The following MAML3 variants were observed in gnomAD, a reference collection of about 807,000 sequenced individuals.
MAML3 encodes the protein mastermind like transcriptional coactivator 3.
MAML3 carries 27 observed loss-of-function variants against 101.9 expected under a neutral mutation model. The observed-to-expected ratio is 0.27, with a 90% CI of 0.20 to 0.37. The LOEUF is 0.37. Ranked by LOEUF, MAML3 falls within the 10% of genes least tolerant of loss-of-function variation. The probability of loss-of-function intolerance (pLI) is 1.00; values close to 1 mark genes in which losing one functional copy is unlikely to be tolerated. For synonymous variants in MAML3, 501 were observed against 555.9 expected, an observed-to-expected ratio of 0.90 and a Z score of 1.39; for missense variants, 1,316 against 1,444.9, an observed-to-expected ratio of 0.91 and a Z score of 1.45.
chr4:140,137,150 G>A (rs902891136), intron 1 of MAML3, among the ~76,000 whole-genome samples: 2 of 152,064 alleles, frequency 1.3e-5, no homozygotes, highest in Non-Finnish European at 2.9e-5. Flanking sequence ...CACCGCGCCC[G>A]GCTAATTTTT....
intron 1 of MAML3, among the ~76,000 whole-genome samples, chr4:140,052,106 TGTGG>T (rs1578660035): frequency 6.6e-6 from 1 of 152,308 alleles, no homozygotes; most frequent in East Asian, 1.9e-4. Flanking sequence ...AAAATGAGAA[TGTGG>T]GAGGCTTAAG....
chr4:139,885,670 T>C (rs1381495167), intron 2 of MAML3, among the ~76,000 whole-genome samples: 1 of 150,006 alleles, frequency 6.7e-6, no homozygotes, highest in African/African-American at 2.5e-5. Flanking sequence ...ACACCTGTAA[T>C]CCCAGTAATT....
At chr4:140,146,700 T>C (rs1729070480) in intron 1 of MAML3, among the ~76,000 whole-genome samples, 1 of 152,174 alleles carries the variant, frequency 6.6e-6, no homozygotes, top group South Asian at 2.1e-4. Context: ...AATTAACTTA[T>C]TTGGCAGATA....
At chr4:139,740,757 A>G (rs772259528) in intron 2 of MAML3, 8 of 152,274 alleles carry the variant, frequency 5.3e-5, no homozygotes, top group Non-Finnish European at 7.3e-5. Context: ...AGACAGGAAG[A>G]AGGGAAGGGA....
chr4:139,746,368 G>A (rs1403734466), intron 2 of MAML3, among the ~76,000 whole-genome samples: 1 of 152,106 alleles, frequency 6.6e-6, no homozygotes, highest in Non-Finnish European at 1.5e-5. Context: ...GTGGTTTCAG[G>A]TAAAAACATG....
At chr4:139,969,277 T>C in intron 1 of MAML3, among the ~76,000 whole-genome samples, 1 of 151,288 alleles carries the variant, frequency 6.6e-6, no homozygotes, top group Non-Finnish European at 1.5e-5. Context: ...CGCCGTGGGA[T>C]AGGTAGGTAG....
chr4:140,118,510 T>G (rs79273947), intron 1 of MAML3, among the ~76,000 whole-genome samples: 139 of 152,264 alleles, frequency 9.1e-4, no homozygotes, highest in African/African-American at 3.2e-3. Flanking sequence ...GGAACCTCTA[T>G]TCCAGGGTGA....
At chr4:139,849,205 A>G (rs1456467213) in intron 2 of MAML3, among the ~76,000 whole-genome samples, 1 of 152,334 alleles carries the variant, frequency 6.6e-6, no homozygotes, top group East Asian at 1.9e-4. Context: ...ATGAACAAAC[A>G]TAGGTATTAT....
intron 2 of MAML3, among the ~76,000 whole-genome samples, chr4:139,788,220 C>G (rs1730338969): frequency 6.6e-6 from 1 of 152,176 alleles, no homozygotes; most frequent in Admixed American, 6.5e-5. Context: ...AGCTCATTTT[C>G]CTGTACAGGC....
intron 2 of MAML3, among the ~76,000 whole-genome samples, chr4:139,837,691 A>G (rs1373112496): frequency 6.6e-6 from 1 of 152,124 alleles, no homozygotes; most frequent in African/African-American, 2.4e-5. Context: ...AGGCCGAGGC[A>G]GGCGGATCAC....
chr4:139,936,602 C>T lies in MAML3; in HGVS notation c.469-45635G>A, dbSNP rs1325374587. Among the ~76,000 whole-genome samples, 3 of 152,122 alleles carry T rather than the reference C, an allele frequency of 2.0e-5. No homozygotes were observed. The East Asian group carries it at 5.8e-4, about 29-fold the overall frequency. ...GTTCCACCTACTTGGAAGGCCGAGGCAGGAGGATCACTTGAGGCCAGGAGT... is the reference window on the plus strand; with the variant it reads ...GTTCCACCTACTTGGAAGGCCGAGGTAGGAGGATCACTTGAGGCCAGGAGT... On this transcript the variant is annotated intron_variant, in intron 1 of 4. Coordinates refer to ENST00000509479, the MANE Select transcript of MAML3 (RefSeq NM_018717.5).
chr4:139,917,372 G>C (rs953779125), intron 1 of MAML3, among the ~76,000 whole-genome samples: 6 of 152,170 alleles, frequency 3.9e-5, no homozygotes, highest in South Asian at 2.1e-4. Context: ...AATAAGGTTG[G>C]CTTCCATTCT....
intron 1 of MAML3, among the ~76,000 whole-genome samples, chr4:140,066,805 TCTGGGAGAACCCATCCAATTTAAGTCTCA>T: frequency 6.6e-6 from 1 of 152,370 alleles, no homozygotes; most frequent in South Asian, 2.1e-4. Context: ...CTGCTTCCTT[TCTGGGAGAACCCATCCAATTTAAGTCTCA>T]ATTAGTATCA....
At chr4:139,790,048 C>G (rs1029577099) in intron 2 of MAML3, among the ~76,000 whole-genome samples, 1 of 151,720 alleles carries the variant, frequency 6.6e-6, no homozygotes. Context: ...TGCAATTATT[C>G]AGGCACTTTT....
intron 1 of MAML3, among the ~76,000 whole-genome samples, chr4:140,102,242 C>T (rs4863733): frequency 0.33 from 50,799 of 152,052 alleles, 10,268 homozygotes; most frequent in Non-Finnish European, 0.45. Flanking sequence ...ATTGTAGAAA[C>T]GATTTCTAGC....
At chr4:139,800,051 A>G (rs149013430) in intron 2 of MAML3, among the ~76,000 whole-genome samples, 132 of 152,272 alleles carry the variant, frequency 8.7e-4, no homozygotes, top group African/African-American at 3.1e-3. Flanking sequence ...CTTCCACAAC[A>G]CTAAAGAATA....
intron 1 of MAML3, among the ~76,000 whole-genome samples, chr4:139,932,414 C>T (rs924424676): frequency 1.3e-5 from 2 of 152,132 alleles, no homozygotes; most frequent in Non-Finnish European, 2.9e-5. Flanking sequence ...CAAAGTGTTG[C>T]TTCGTTAACA....
At chr4:139,839,586 T>C (rs1319944864) in intron 2 of MAML3, among the ~76,000 whole-genome samples, 2 of 152,076 alleles carry the variant, frequency 1.3e-5, no homozygotes, top group African/African-American at 2.4e-5. Flanking sequence ...GCATGTGTTT[T>C]CTTGTTCCCA....
intron 1 of MAML3, among the ~76,000 whole-genome samples, chr4:140,077,672 T>C (rs1205883108): frequency 6.6e-6 from 1 of 152,130 alleles, no homozygotes; most frequent in African/African-American, 2.4e-5. Context: ...AGAAGTAGGC[T>C]AGTATTATTT....
Sources: gnomAD v4.1 joint callset for allele counts (sites outside exome capture counted in the v4.1 genomes callset) on GRCh38, gnomAD v4.1.1 for gene constraint, MANE v1.5 for transcripts, NCBI Gene and HGNC (gene_info 2026-07-23, HGNC 2026-07-21) for gene names.